Variants in CCDC171 observed in about 807,000 individuals in gnomAD.
CCDC171 encodes coiled-coil domain containing 171.
In CCDC171, 177 loss-of-function variants were observed where a neutral mutation model predicts 168.2. That is an observed-to-expected ratio of 1.05 (90% confidence interval 0.93 to 1.19). The LOEUF (loss-of-function observed/expected upper bound fraction) is 1.19, where lower values mean the gene tolerates loss of function less well. Among genes scored for constraint, CCDC171 ranks in the 50% most tolerant of loss-of-function variants. The pLI is 0.00. For missense variants in CCDC171, 1,991 were observed against 1,539.0 expected, an observed-to-expected ratio of 1.29 and a Z score of -4.91; for synonymous variants, 687 against 540.8, an observed-to-expected ratio of 1.27 and a Z score of -3.75.
At chr9:15,872,258 A>C (rs952478162) in intron 23 of CCDC171, among the ~76,000 whole-genome samples, 1 of 152,190 alleles carries the variant, frequency 6.6e-6, no homozygotes, top group Middle Eastern at 3.4e-3. Flanking sequence ...GAATTATTTA[A>C]TTTGGCAAAT....
chr9:15,880,979 C>T (rs1330558887), intron 24 of CCDC171, among the ~76,000 whole-genome samples: 1 of 152,140 alleles, frequency 6.6e-6, no homozygotes, highest in Non-Finnish European at 1.5e-5. Context: ...AAAATACCAT[C>T]CTTTGTCTCA....
intron 15 of CCDC171, among the ~76,000 whole-genome samples, chr9:15,728,246 A>G (rs1171558555): frequency 1.3e-5 from 2 of 152,110 alleles, no homozygotes; most frequent in Admixed American, 1.3e-4. Flanking sequence ...TGAAGTCTCT[A>G]AGCTCCACTT....
chr9:15,702,554 CCCCTAA>C (rs1472189210), intron 11 of CCDC171, among the ~76,000 whole-genome samples: 1 of 152,068 alleles, frequency 6.6e-6, no homozygotes, highest in Non-Finnish European at 1.5e-5. Flanking sequence ...GCCACATTAG[CCCCTAA>C]CAAGAGAGTC....
chr9:15,664,809 C>T (rs1319785235), intron 8 of CCDC171, among the ~76,000 whole-genome samples: 1 of 148,818 alleles, frequency 6.7e-6, no homozygotes, highest in Non-Finnish European at 1.5e-5. Context: ...AGTGATTCTC[C>T]TGCCTCAGCC....
intron 24 of CCDC171, chr9:15,886,294 A>T (rs1343014567): frequency 6.6e-6 from 1 of 152,160 alleles, no homozygotes; most frequent in East Asian, 1.9e-4. Flanking sequence ...TAACTTTTTT[A>T]AAAAATGGGC....
intron 24 of CCDC171, among the ~76,000 whole-genome samples, chr9:15,912,798 T>A (rs1344206462): frequency 6.6e-6 from 1 of 152,214 alleles, no homozygotes; most frequent in Non-Finnish European, 1.5e-5. Context: ...GAGATAATCA[T>A]GTGGTTTTTG....
chr9:15,654,958 C>A, intron 7 of CCDC171, among the ~76,000 whole-genome samples: 1 of 152,144 alleles, frequency 6.6e-6, no homozygotes, highest in Non-Finnish European at 1.5e-5. Flanking sequence ...CGCCTGTTCT[C>A]ACTCTTAGGT....
intron 11 of CCDC171, among the ~76,000 whole-genome samples, chr9:15,702,323 G>A (rs2051819840): frequency 6.6e-6 from 1 of 152,016 alleles, no homozygotes; most frequent in Non-Finnish European, 1.5e-5. Flanking sequence ...CTCTGCCTGT[G>A]CCCTGGTAGC....
At chr9:15,729,543 TG>T in intron 15 of CCDC171, 66 bp from the exon 16 acceptor site, 1 of 965,396 alleles carries the variant, frequency 1.0e-6, no homozygotes, top group Non-Finnish European at 1.5e-6. Context: ...GGTATTTTAT[TG>T]GGGGAGATGA....
Position 15,649,393 on chromosome 9 carries a change from C to G in CCDC171, c.823-7734C>G, listed in dbSNP as rs368235825. Among the ~76,000 whole-genome samples, 5 of 152,216 alleles carry G rather than the reference C, an allele frequency of 3.3e-5. No individual in the cohort carries two copies. The East Asian group carries it at 5.8e-4, about 18-fold the overall frequency. ...CAATGGCAACAAAAGCCAAAATTGA[C>G]AAATGGGATCTAATTAAACTAAAGA... On this transcript the variant is annotated intron_variant, in intron 7 of 25. Transcript: ENST00000380701.
the CCDC171 span, among the ~76,000 whole-genome samples, chr9:16,088,042 T>A: frequency 3.9e-5 from 6 of 152,204 alleles, no homozygotes; most frequent in Non-Finnish European, 5.9e-5. Flanking sequence ...CTTGGCTTCA[T>A]CCCTGGGATG....
Position 15,744,612 on chromosome 9 carries a change from T to A in CCDC171, c.2389T>A (p.Leu797Met), listed in dbSNP as rs1177955206. Residue 797 changes from leucine (L) to methionine (M), a missense_variant, in exon 17 of 26, where the codon TTG (leucine) becomes ATG (methionine). By Grantham distance (15) the Leu-to-Met change is conservative. Coordinates refer to ENST00000380701, the MANE Select transcript of CCDC171 (RefSeq NM_173550.4). ...GATGAAAAAGAAAACATTCAAAGGA[T>A]TGATACGTATATTTCGGAAAGGTGT... ...AKMKKKTFKG[L>M]IRIFRKGVIA... The A allele has an allele frequency of 1.9e-6, 3 of 1,614,044 alleles. No individual in the cohort carries two copies. The African/African-American group carries it at 4.0e-5, about 22-fold the overall frequency.
rs551850007 is a variant in CCDC171, at chr9:15,567,792, T to C, written c.41+3663T>C. Among the ~76,000 whole-genome samples, 145 of 152,114 alleles carry C rather than the reference T, an allele frequency of 9.5e-4. No individual in the cohort carries two copies. In the South Asian group the frequency reaches 0.019, roughly 20 times the overall value. ...CCTCAGCCTCCTTAGTAGCTAGGAC[T>C]ACAGGCATGTACCACCATGGCTGGC... On this transcript the variant is annotated intron_variant, in intron 2 of 25. Transcript: ENST00000380701.
At chr9:15,854,762 C>T (rs1193017179) in intron 23 of CCDC171, among the ~76,000 whole-genome samples, 1 of 151,544 alleles carries the variant, frequency 6.6e-6, no homozygotes, top group Non-Finnish European at 1.5e-5. Flanking sequence ...GCTTAAACTG[C>T]ATCCCAGAAG....
intron 7 of CCDC171, among the ~76,000 whole-genome samples, chr9:15,649,750 CA>C (rs2047353823): frequency 6.6e-6 from 1 of 152,164 alleles, no homozygotes; most frequent in South Asian, 2.1e-4. Context: ...CAGGAAACAA[CA>C]GGTGCTAGAG....
intron 18 of CCDC171, among the ~76,000 whole-genome samples, chr9:15,768,192 T>TA (rs34022345): frequency 0.023 from 3,297 of 145,334 alleles, 108 homozygotes; most frequent in African/African-American, 0.072. Flanking sequence ...ATGAGTTTCC[T>TA]AAAAAAAAAA....
At chr9:15,867,449 C>T (rs938427532) in intron 23 of CCDC171, among the ~76,000 whole-genome samples, 1 of 151,964 alleles carries the variant, frequency 6.6e-6, no homozygotes, top group African/African-American at 2.4e-5. Flanking sequence ...GTCAATGACT[C>T]TCTAAATGTT....
At chr9:15,785,214 G>A (rs188754643) in intron 21 of CCDC171, among the ~76,000 whole-genome samples, 1 of 152,184 alleles carries the variant, frequency 6.6e-6, no homozygotes, top group Admixed American at 6.5e-5. Flanking sequence ...TCATTTAAAA[G>A]TTGTCACTGA....
chr9:15,777,625 T>G lies in CCDC171; in HGVS notation c.2697T>G (p.His899Gln), dbSNP rs760671722. 4 of 1,608,896 alleles carry G rather than the reference T, an allele frequency of 2.5e-6. No individual in the cohort carries two copies. In the South Asian group the frequency reaches 3.4e-5, roughly 14 times the overall value. Residue 899 changes from histidine to glutamine, a missense_variant, in exon 19 of 26, where the codon CAT (histidine) becomes CAG (glutamine). Physicochemically the swap from His to Gln is conservative, Grantham distance 24. Transcript: ENST00000380701. Reference sequence around the variant, plus strand: ...ATCCAAATTCCAGAATTTGTGGACATTTACTCATAGGTGCAGCCAAGAATT... The same window carrying G: ...ATCCAAATTCCAGAATTTGTGGACAGTTACTCATAGGTGCAGCCAAGAATT... ...KADPNSRICG[H>Q]LLIGAAKNSF... is the part of the protein sequence containing the mutation.
Sources: allele counts gnomAD v4.1 joint callset (sites outside exome capture counted in the v4.1 genomes callset), GRCh38; gene constraint gnomAD v4.1.1; transcripts MANE v1.5; gene names NCBI Gene and HGNC (gene_info 2026-07-23, HGNC 2026-07-21).